EYS: variants seen among roughly 807,000 people sequenced by gnomAD.
EYS encodes the protein protein eyes shut homolog.
In EYS, 250 loss-of-function variants were observed where a neutral mutation model predicts 282.1. The ratio of observed to expected loss-of-function variants is 0.89; its 90% CI spans 0.80 to 0.98. EYS has a LOEUF of 0.98. Among genes scored for constraint, EYS ranks in the 50% least tolerant of loss-of-function variants. The probability of loss-of-function intolerance (pLI) is 0.00; values close to 1 mark genes in which losing one functional copy is unlikely to be tolerated. For missense variants in EYS, 4,016 were observed against 3,709.0 expected (o/e 1.08, Z -2.15); for synonymous variants, 1,355 against 1,282.9 (o/e 1.06, Z -1.20).
chr6:65,597,231 G>A (rs752599114), intron 2 of EYS, among the ~76,000 whole-genome samples: 10 of 152,040 alleles, frequency 6.6e-5, no homozygotes, highest in African/African-American at 2.2e-4. Context: ...TAATACGCAC[G>A]ATTAATCTCT....
intron 29 of EYS, among the ~76,000 whole-genome samples, chr6:64,360,227 G>T (rs1378666628): frequency 6.6e-6 from 1 of 151,728 alleles, no homozygotes; most frequent in East Asian, 1.9e-4. Context: ...AGAGGAAACA[G>T]ATCTTCAATT....
At chr6:64,601,488 A>T (rs1766759879) in intron 24 of EYS, among the ~76,000 whole-genome samples, 1 of 152,020 alleles carries the variant, frequency 6.6e-6, no homozygotes, top group African/African-American at 2.4e-5. Flanking sequence ...TCTATCTCAC[A>T]CATCTACTCA....
chr6:65,196,754 T>C (rs1363075292), intron 12 of EYS, among the ~76,000 whole-genome samples: 1 of 152,084 alleles, frequency 6.6e-6, no homozygotes, highest in Non-Finnish European at 1.5e-5. Flanking sequence ...GTCGTTTGAA[T>C]AGACTCATTA....
At chr6:65,445,397 G>C (rs906057503) in intron 5 of EYS, among the ~76,000 whole-genome samples, 1 of 151,554 alleles carries the variant, frequency 6.6e-6, no homozygotes, top group Non-Finnish European at 1.5e-5. Context: ...GTTCTCCTAA[G>C]AGAAAATCAG....
intron 2 of EYS, among the ~76,000 whole-genome samples, chr6:65,610,863 A>T (rs1765974509): frequency 6.6e-6 from 1 of 152,166 alleles, no homozygotes; most frequent in African/African-American, 2.4e-5. Flanking sequence ...TTTTCCTAGC[A>T]AAAAGCTCAT....
chr6:64,348,067 T>C (rs1465620748), intron 29 of EYS, among the ~76,000 whole-genome samples: 1 of 151,428 alleles, frequency 6.6e-6, no homozygotes, highest in Non-Finnish European at 1.5e-5. Flanking sequence ...CCCACATCTA[T>C]AACCACTAGA....
chr6:65,120,830 C>T lies in EYS; in HGVS notation c.2024-63103G>A, dbSNP rs576189990. Among the ~76,000 whole-genome samples, 8 of 152,248 alleles carry T rather than the reference C, an allele frequency of 5.3e-5. No homozygotes were observed. The South Asian group carries it at 1.7e-3, about 32-fold the overall frequency. On this transcript the variant is annotated intron_variant, in intron 12 of 42. Coordinates refer to ENST00000503581, the MANE Select transcript of EYS (RefSeq NM_001142800.2). ...ATCTATATAGATGAAATAATCTCAACCTGAACATTTTTATATTAATAATCT... is the reference window on the plus strand; with the variant it reads ...ATCTATATAGATGAAATAATCTCAATCTGAACATTTTTATATTAATAATCT...
intron 12 of EYS, among the ~76,000 whole-genome samples, chr6:65,277,261 C>T (rs1254776620): frequency 1.3e-5 from 2 of 151,790 alleles, no homozygotes; most frequent in Non-Finnish European, 2.9e-5. Flanking sequence ...GATGAAACAC[C>T]ATCTCTACTA....
intron 2 of EYS, among the ~76,000 whole-genome samples, chr6:65,594,442 A>C (rs2149786478): frequency 6.6e-6 from 1 of 152,160 alleles, no homozygotes; most frequent in Admixed American, 6.6e-5. Flanking sequence ...ATTAAATTGA[A>C]TTTGTATATC....
intron 12 of EYS, among the ~76,000 whole-genome samples, chr6:65,252,371 T>TA (rs760683086): frequency 1.9e-4 from 29 of 151,940 alleles, no homozygotes; most frequent in Non-Finnish European, 3.8e-4. Flanking sequence ...ACACTTAGGA[T>TA]AAATACAAAT....
chr6:64,770,563 CTTCTGAGGTTCACTG>C (rs1773496096), intron 22 of EYS, among the ~76,000 whole-genome samples: 1 of 151,872 alleles, frequency 6.6e-6, no homozygotes, highest in African/African-American at 2.4e-5. Flanking sequence ...GTTGCCAGTG[CTTCTGAGGTTCACTG>C]TTTCACTAAA....
intron 26 of EYS, among the ~76,000 whole-genome samples, chr6:64,547,504 G>A (rs1017864372): frequency 6.6e-6 from 1 of 152,150 alleles, no homozygotes; most frequent in East Asian, 1.9e-4. Context: ...AGTGTCGATT[G>A]GTGCATTCAC....
At chr6:65,296,211 G>A in intron 11 of EYS, 92 bp from the exon 12 acceptor site, 3 of 1,220,088 alleles carry the variant, frequency 2.5e-6, no homozygotes, top group African/African-American at 1.5e-5. Context: ...TAAAAACACA[G>A]AAATAAATAT....
intron 1 of EYS, among the ~76,000 whole-genome samples, chr6:65,686,392 T>C (rs1308779793): frequency 6.6e-6 from 1 of 152,094 alleles, no homozygotes; most frequent in African/African-American, 2.4e-5. Flanking sequence ...TGCCATTTTT[T>C]AGTAATTATT....
intron 18 of EYS, among the ~76,000 whole-genome samples, chr6:64,892,566 A>T (rs1767323805): frequency 6.6e-6 from 1 of 152,008 alleles, no homozygotes; most frequent in Admixed American, 6.6e-5. Flanking sequence ...TGATATTATA[A>T]CTGCATTCAT....
chr6:64,477,913 ACAATC>A (rs1199423240), intron 26 of EYS, among the ~76,000 whole-genome samples: 1 of 152,116 alleles, frequency 6.6e-6, no homozygotes. Flanking sequence ...AATGGGTCAA[ACAATC>A]CATAGTCTTT....
intron 22 of EYS, among the ~76,000 whole-genome samples, chr6:64,630,012 AATG>A (rs1211308295): frequency 1.3e-5 from 2 of 152,210 alleles, no homozygotes; most frequent in Non-Finnish European, 2.9e-5. Flanking sequence ...CATCATTAAG[AATG>A]ATGTTAGCTA....
intron 12 of EYS, among the ~76,000 whole-genome samples, chr6:65,272,355 C>A (rs2150267207): frequency 6.6e-6 from 1 of 152,124 alleles, no homozygotes; most frequent in South Asian, 2.1e-4. Flanking sequence ...TGACCTTGTC[C>A]CTTCATGAGC....
At chr6:64,289,920 G>A (rs760580004) in intron 30 of EYS, among the ~76,000 whole-genome samples, 5 of 152,036 alleles carry the variant, frequency 3.3e-5, no homozygotes, top group African/African-American at 7.2e-5. Context: ...TACCTGGTAA[G>A]TAGGCAGTCA....
Sources: allele counts gnomAD v4.1 joint callset (sites outside exome capture counted in the v4.1 genomes callset), GRCh38; gene constraint gnomAD v4.1.1; transcripts MANE v1.5; gene names NCBI Gene and HGNC (gene_info 2026-07-23, HGNC 2026-07-21).